PAPPA: variants seen among roughly 807,000 people sequenced by gnomAD.
PAPPA encodes the protein pappalysin 1, also known as pappalysin-1.
Under a neutral mutation model 164.0 loss-of-function variants are expected in PAPPA, and 60 were observed. The ratio of observed to expected loss-of-function variants is 0.37; its 90% confidence interval spans 0.30 to 0.45. PAPPA has a LOEUF of 0.45. PAPPA is among the 20% of genes least tolerant of loss of function. The pLI, the probability that PAPPA is intolerant of heterozygous loss-of-function variation, is 1.00. For missense variants in PAPPA, 1,782 were observed against 2,087.3 expected (o/e 0.85, Z 2.85); for synonymous variants, 875 against 814.1 (o/e 1.07, Z -1.27).
intron 8 of PAPPA, among the ~76,000 whole-genome samples, chr9:116,270,790 C>T (rs1255541818): frequency 1.3e-5 from 2 of 151,928 alleles, no homozygotes; most frequent in African/African-American, 2.4e-5. Flanking sequence ...ATGACACACC[C>T]GATGGAGAAA....
At chr9:116,157,187 G>A (rs191757100) in intron 1 of PAPPA, among the ~76,000 whole-genome samples, 6 of 152,286 alleles carry the variant, frequency 3.9e-5, no homozygotes, top group Admixed American at 2.0e-4. Flanking sequence ...TCTGTCGTCT[G>A]GCAGAGGCAG....
chr9:116,374,060 T>C (rs745977158), intron 19 of PAPPA, among the ~76,000 whole-genome samples: 5 of 151,038 alleles, frequency 3.3e-5, no homozygotes, highest in Non-Finnish European at 7.4e-5. Context: ...GTGGTGATGT[T>C]AGTGATGGTG....
chr9:116,177,608 G>C (rs1178800152), intron 1 of PAPPA, among the ~76,000 whole-genome samples: 1 of 152,158 alleles, frequency 6.6e-6, no homozygotes, highest in African/African-American at 2.4e-5. Flanking sequence ...TGCCATGCAG[G>C]GTATGACAGC....
At chr9:116,341,889 C>G (rs1391300492) in intron 13 of PAPPA, among the ~76,000 whole-genome samples, 4 of 152,210 alleles carry the variant, frequency 2.6e-5, no homozygotes, top group Admixed American at 2.6e-4. Flanking sequence ...AGTCAGACAA[C>G]TGATAAATGG....
At chr9:116,252,850 A>G (rs937344957) in intron 7 of PAPPA, among the ~76,000 whole-genome samples, 4 of 152,272 alleles carry the variant, frequency 2.6e-5, no homozygotes, top group African/African-American at 9.6e-5. Context: ...TAATCTAGAA[A>G]AATTTACCTC....
chr9:116,378,613 C>G (rs1466857625), intron 20 of PAPPA, among the ~76,000 whole-genome samples: 2 of 152,264 alleles, frequency 1.3e-5, no homozygotes, highest in South Asian at 4.1e-4. Context: ...AACAGAGACC[C>G]AGGCAGTGGC....
intron 2 of PAPPA, among the ~76,000 whole-genome samples, chr9:116,196,987 T>C (rs926602475): frequency 6.6e-6 from 1 of 152,202 alleles, no homozygotes; most frequent in Non-Finnish European, 1.5e-5. Flanking sequence ...GTAAGAGAGA[T>C]GCAAAGGAGG....
intron 9 of PAPPA, among the ~76,000 whole-genome samples, chr9:116,301,840 C>T (rs1845582854): frequency 6.6e-6 from 1 of 152,232 alleles, no homozygotes; most frequent in Non-Finnish European, 1.5e-5. Context: ...ACCTCTTTCT[C>T]TGCTCTGATG....
chr9:116,211,545 G>T, intron 3 of PAPPA, 94 bp from the exon 4 acceptor site: 1 of 1,050,810 alleles, frequency 9.5e-7, no homozygotes, highest in Non-Finnish European at 1.4e-6. Context: ...TGTTTATTTT[G>T]GGCAGCATCT....
intron 7 of PAPPA, among the ~76,000 whole-genome samples, chr9:116,247,707 A>G (rs945534228): frequency 2.0e-5 from 3 of 152,166 alleles, no homozygotes; most frequent in Non-Finnish European, 4.4e-5. Context: ...AGAGGAATGG[A>G]CAAAATCTAT....
At chr9:116,263,116 G>A (rs887967183) in intron 7 of PAPPA, among the ~76,000 whole-genome samples, 1 of 152,152 alleles carries the variant, frequency 6.6e-6, no homozygotes, top group African/African-American at 2.4e-5. Flanking sequence ...CTTCCTCAAA[G>A]AGCTGCTTAA....
chr9:116,400,065 AG>A lies in PAPPA; in HGVS notation c.*3451del, dbSNP rs1193680553. The A allele has an allele frequency of 6.6e-6, 1 of 152,632 alleles. No individual in the cohort carries two copies. Among genetic ancestry groups the A allele is most frequent in the Non-Finnish European group, 1.5e-5 (1 of 68,028 alleles). The allele number at this position is 152,632 out of a possible 1,614,324, so 9.5% of individuals were successfully genotyped here. A position where few individuals can be genotyped will look rare whatever the true frequency, so the allele number is the denominator to read the frequency against. The stretch of plus-strand genomic sequence containing the variant: ...AGAAAGAAAGAGAAAGGAAATTATA[AG>A]GTCAAGTTAACAGTTTTGAGGTTTT... On this transcript the variant is annotated 3_prime_UTR_variant, in exon 22 of 22. Transcript: ENST00000328252.
intron 20 of PAPPA, among the ~76,000 whole-genome samples, chr9:116,381,669 C>T (rs1162056330): frequency 6.6e-6 from 1 of 152,150 alleles, no homozygotes. Flanking sequence ...AGTAAAAAAC[C>T]ATAGAGCCAA....
chr9:116,347,199 A>C lies in PAPPA; in HGVS notation c.3954A>C (p.Ala1318=), dbSNP rs1130784. The C allele has an allele frequency of 1.2e-6, 2 of 1,610,514 alleles. No individual in the cohort carries two copies. The highest frequency in any genetic ancestry group is 2.7e-5 in the African/African-American group (2 of 74,790). ...SQCSFQCRHP[A]QLKGNNSLLT... ...GTTCCTTCCAGTGCCGTCACCCTGC[A>C]CAATTGAAAGGTATCAAGAACGCCT... Residue 1318 remains alanine, a synonymous_variant, in exon 15 of 22, where the codon GCA becomes GCC. Transcript: ENST00000328252. This position sits in a 1 kb window ranked among gnomAD's most constrained non-coding sequence, Gnocchi z 4.5.
At chr9:116,236,550 C>T (rs1428040351) in intron 7 of PAPPA, among the ~76,000 whole-genome samples, 1 of 148,778 alleles carries the variant, frequency 6.7e-6, no homozygotes, top group East Asian at 2.0e-4. Flanking sequence ...CATGCCATTG[C>T]ACTCCAGCCT....
rs192243139 is a variant in PAPPA, at chr9:116,282,090, C to T, written c.2953+10674C>T. The stretch of plus-strand genomic sequence containing the variant: ...AGCCAGTGAGAAATATACAGTCATC[C>T]CTCAGTATCCTTGGGCGATTTCTGC... On this transcript the variant is annotated intron_variant, in intron 9 of 21. Coordinates refer to ENST00000328252, the MANE Select transcript of PAPPA (RefSeq NM_002581.5). Among the ~76,000 whole-genome samples, 7 of 152,312 alleles carry T rather than the reference C, an allele frequency of 4.6e-5. No individual in the cohort carries two copies. The East Asian group carries it at 1.4e-3, about 29-fold the overall frequency.
At chr9:116,294,592 G>GCTT (rs1338197238) in intron 9 of PAPPA, among the ~76,000 whole-genome samples, 1 of 152,156 alleles carries the variant, frequency 6.6e-6, no homozygotes, top group Non-Finnish European at 1.5e-5. Context: ...CCCCACCCAA[G>GCTT]CTTCCCCTTT....
chr9:116,298,293 C>T (rs80147743), intron 9 of PAPPA, among the ~76,000 whole-genome samples: 13,234 of 152,258 alleles, frequency 0.087, 648 homozygotes, highest in Admixed American at 0.14. Flanking sequence ...CCATCTGCCT[C>T]GGGCTCTTGA....
intron 11 of PAPPA, among the ~76,000 whole-genome samples, chr9:116,331,875 C>T (rs1564228911): frequency 1.3e-5 from 2 of 152,126 alleles, no homozygotes; most frequent in Admixed American, 6.6e-5. Context: ...TCCTCAAAGC[C>T]GAGTGCAGAG....
Sources: allele counts gnomAD v4.1 joint callset (sites outside exome capture counted in the v4.1 genomes callset), GRCh38; gene constraint gnomAD v4.1.1; non-coding constraint Gnocchi (gnomAD v3.1); transcripts MANE v1.5; gene names NCBI Gene and HGNC (gene_info 2026-07-23, HGNC 2026-07-21).